Variants in POLE2 observed in about 807,000 individuals in gnomAD.
The protein encoded by POLE2 is DNA polymerase epsilon 2, accessory subunit, also known as DNA polymerase epsilon subunit 2.
In POLE2, 56 loss-of-function variants were observed where a neutral mutation model predicts 79.4. The ratio of observed to expected loss-of-function variants is 0.71; its 90% CI spans 0.57 to 0.88. POLE2 has a LOEUF of 0.88. Ranked by LOEUF, POLE2 falls within the 40% of genes least tolerant of loss-of-function variation. The pLI is 0.00. For synonymous variants in POLE2, 212 were observed against 214.0 expected (o/e 0.99, Z 0.08); for missense variants, 598 against 638.9 (o/e 0.94, Z 0.69).
In POLE2 at chr14:49,688,182, T is replaced by A. The variant is rs1335025425; in HGVS notation, c.22A>T (p.Ser8Cys). The A allele has an allele frequency of 6.5e-7, 1 of 1,540,804 alleles. No individual in the cohort carries two copies. ...AACTTGAAGGCGGAGAGCGCCCGGC[T>A]CCGCAGCCGCTCCGGCGCCATATTT... is the stretch of plus-strand genomic sequence containing the variant. The part of the protein sequence containing the change: MAPERLR[S>C]RALSAFKLRG... Residue 8 changes from serine to cysteine, a missense_variant, in exon 1 of 19, where the codon AGC becomes TGC. Ser to Cys is a moderately radical substitution (Grantham distance 112). Coordinates refer to ENST00000216367, the MANE Select transcript of POLE2 (RefSeq NM_002692.4).
chr14:49,674,277 A>G (rs1402194975), intron 4 of POLE2, 61 bp from the exon 5 acceptor site: 2 of 1,450,206 alleles, frequency 1.4e-6, no homozygotes, highest in Admixed American at 3.4e-5. Context: ...CCAAAAGTGA[A>G]GCAAGAGACT....
chr14:49,657,029 C>G (rs1884731843), intron 10 of POLE2, among the ~76,000 whole-genome samples: 1 of 151,142 alleles, frequency 6.6e-6, no homozygotes, highest in African/African-American at 2.4e-5. Context: ...AGGAGAATCG[C>G]TTGAACCTAG....
At chr14:49,685,606 G>GTTCTTTCTTTTTTTTCT (rs2139701235) in intron 1 of POLE2, among the ~76,000 whole-genome samples, 1 of 151,870 alleles carries the variant, frequency 6.6e-6, no homozygotes, top group East Asian at 1.9e-4. Context: ...GTCAGGTCCT[G>GTTCTTTCTTTTTTTTCT]TTCTTTCTTT....
Position 49,650,317 on chromosome 14 carries a change from T to C in POLE2, c.1445A>G (p.Asp482Gly). The C allele has an allele frequency of 6.2e-7, 1 of 1,611,114 alleles. No homozygotes were observed. The highest frequency in any genetic ancestry group is 1.7e-5 in the Admixed American group (1 of 59,654). The change falls in exon 17 of 19, where the codon GAC (aspartate) becomes GGC (glycine). Residue 482 changes from aspartate (D) to glycine (G), a missense_variant. Coordinates refer to ENST00000216367, the MANE Select transcript of POLE2 (RefSeq NM_002692.4). Reference sequence around the variant, plus strand: ...TGTCGTAGTGAAAGGATCATATTTGTCTGCAATGACAAGTAGATCGGGCAC... The same window carrying C: ...TGTCGTAGTGAAAGGATCATATTTGCCTGCAATGACAAGTAGATCGGGCAC... ...YPVPDLLVIA[D>G]KYDPFTTTNT...
chr14:49,658,146 G>A (rs1413870214), intron 10 of POLE2, among the ~76,000 whole-genome samples: 3 of 151,002 alleles, frequency 2.0e-5, no homozygotes, highest in African/African-American at 4.9e-5. Flanking sequence ...GCATGATCTC[G>A]GCTCACTGCA....
intron 17 of POLE2, among the ~76,000 whole-genome samples, chr14:49,647,634 T>C (rs1482904760): frequency 6.6e-6 from 1 of 151,948 alleles, no homozygotes; most frequent in Non-Finnish European, 1.5e-5. Context: ...TTGTATTTTT[T>C]GTAAAGAGGG....
chr14:49,679,704 A>C, intron 3 of POLE2, 21 bp downstream of exon 3: 1 of 1,392,308 alleles, frequency 7.2e-7, no homozygotes, highest in Non-Finnish European at 1.0e-6. Flanking sequence ...AGGAGGAAAA[A>C]AGTTAACTGT....
At chr14:49,643,728 G>A in intron 18 of POLE2, 58 bp from the exon 19 acceptor site, 1 of 871,946 alleles carries the variant, frequency 1.1e-6, no homozygotes, top group East Asian at 2.6e-5. Flanking sequence ...CTTACTAATA[G>A]TTGTAGTTAA....
intron 1 of POLE2, among the ~76,000 whole-genome samples, chr14:49,685,845 T>G (rs1887096570): frequency 6.6e-6 from 1 of 151,816 alleles, no homozygotes. Context: ...GTCAGGCCGG[T>G]CTCGAATTCC....
At chr14:49,682,376 G>A (rs561831188) in intron 2 of POLE2, among the ~76,000 whole-genome samples, 188 of 150,486 alleles carry the variant, frequency 1.2e-3, no homozygotes, top group African/African-American at 4.3e-3. Context: ...AATGGCTCAC[G>A]CCTGTAATCC....
intron 1 of POLE2, among the ~76,000 whole-genome samples, chr14:49,686,777 G>A (rs992385121): frequency 6.6e-6 from 1 of 152,052 alleles, no homozygotes; most frequent in African/African-American, 2.4e-5. Context: ...AATTCTAAGC[G>A]AAAAGAAAGT....
chr14:49,663,250 A>T, intron 10 of POLE2, 65 bp downstream of exon 10: 1 of 742,166 alleles, frequency 1.3e-6, no homozygotes, highest in Non-Finnish European at 2.2e-6. Flanking sequence ...ATGACGTACT[A>T]TCTTACATTC....
Position 49,674,335 on chromosome 14 carries a change from G to T in POLE2, c.323+15C>A. 6.5e-7 allele frequency: 1 copy of T among 1,549,922 alleles called. No homozygotes were observed. The stretch of plus-strand genomic sequence containing the variant: ...CATTTGAAATTAATTTAAAATCAGT[G>T]GATGACATACTTACGGAAGAAATTT... On this transcript the variant is annotated intron_variant, in intron 4 of 18. Coordinates refer to ENST00000216367, the MANE Select transcript of POLE2 (RefSeq NM_002692.4).
At chr14:49,647,458 T>C (rs969548340) in intron 17 of POLE2, 98 bp from the exon 18 acceptor site, 5 of 398,582 alleles carry the variant, frequency 1.3e-5, no homozygotes, top group African/African-American at 8.5e-5. Flanking sequence ...TTTTATTTTA[T>C]TTATTTATTT....
intron 18 of POLE2, among the ~76,000 whole-genome samples, chr14:49,645,316 T>G (rs1883686225): frequency 6.6e-6 from 1 of 152,236 alleles, no homozygotes. Context: ...TTAAACAGGG[T>G]TAATTTTATC....
At chr14:49,650,513 C>T (rs1249994390) in intron 16 of POLE2, 72 bp from the exon 17 acceptor site, 1 of 1,009,306 alleles carries the variant, frequency 9.9e-7, no homozygotes, top group African/African-American at 1.7e-5. Context: ...CAAATAATTT[C>T]AAATTAAATA....
intron 10 of POLE2, among the ~76,000 whole-genome samples, chr14:49,659,536 A>G (rs1298410312): frequency 2.0e-5 from 3 of 152,218 alleles, no homozygotes; most frequent in African/African-American, 7.2e-5. Context: ...AAAATTTTTT[A>G]AAGGTTATAA....
intron 3 of POLE2, chr14:49,677,252 A>G (rs1316128893): frequency 3.0e-6 from 2 of 669,810 alleles, no homozygotes; most frequent in Non-Finnish European, 5.4e-6. Flanking sequence ...TAGGGTGCTA[A>G]GCATGAGGCC....
At chr14:49,679,929 A>G (rs1240238808) in intron 2 of POLE2, 129 bp from the exon 3 acceptor site, 13 of 600,726 alleles carry the variant, frequency 2.2e-5, no homozygotes, top group East Asian at 2.8e-5. Flanking sequence ...GTTTTTGGAG[A>G]AAAAAAGTGT....
Sources: gnomAD v4.1 joint callset for allele counts (sites outside exome capture counted in the v4.1 genomes callset) on GRCh38, gnomAD v4.1.1 for gene constraint, MANE v1.5 for transcripts, NCBI Gene and HGNC (gene_info 2026-07-23, HGNC 2026-07-21) for gene names.